The following TSHR variants were observed in gnomAD, a reference collection of about 807,000 sequenced individuals.
TSHR encodes thyroid stimulating hormone receptor.
In TSHR, 51 loss-of-function variants were observed where a neutral mutation model predicts 64.1. The observed-to-expected ratio is 0.80, with a 90% CI of 0.64 to 1.01. The LOEUF (loss-of-function observed/expected upper bound fraction) is 1.01, where lower values mean the gene tolerates loss of function less well. TSHR is among the 50% of genes least tolerant of loss of function. TSHR has a pLI of 0.00. For synonymous variants in TSHR, 361 were observed against 361.9 expected (o/e 1.00, Z 0.03); for missense variants, 877 against 942.8 (o/e 0.93, Z 0.91).
chr14:81,019,041 A>G (rs763911121), intron 1 of TSHR, among the ~76,000 whole-genome samples: 1 of 152,228 alleles, frequency 6.6e-6, no homozygotes, highest in Admixed American at 6.5e-5. Context: ...AGAAAAAGGC[A>G]CATGAACATT....
chr14:80,982,002 G>A, intron 1 of TSHR: 1 of 363,602 alleles, frequency 2.8e-6, no homozygotes, highest in Non-Finnish European at 5.5e-6. Flanking sequence ...CTGGGACTAA[G>A]AATAAGACAA....
chr14:81,074,560 C>T (rs747401837), intron 3 of TSHR, among the ~76,000 whole-genome samples: 6 of 152,110 alleles, frequency 3.9e-5, no homozygotes, highest in African/African-American at 7.2e-5. Flanking sequence ...ATCAACCAAA[C>T]GTTCCTGGGA....
At chr14:81,022,807 C>T (rs965441905) in intron 1 of TSHR, among the ~76,000 whole-genome samples, 34 of 151,626 alleles carry the variant, frequency 2.2e-4, no homozygotes, top group African/African-American at 6.8e-4. Flanking sequence ...GGCGACAAAG[C>T]GAGACTTCAT....
Position 81,144,417 on chromosome 14 carries a change from T to C in TSHR, c.*64T>C. On this transcript the variant is annotated 3_prime_UTR_variant, in exon 10 of 10. Transcript: ENST00000298171. ...AAAATAATAGTTTCTTGAATATGCA[T>C]TCCAATCCCATGACACCCCCAACAC... 2.6e-6 allele frequency: 4 copies of C among 1,542,488 alleles called. No individual in the cohort carries two copies. Among genetic ancestry groups the C allele is most frequent in the Admixed American group, 3.4e-5 (2 of 59,668 alleles).
At position 81,103,687 on chromosome 14, in the gene TSHR, T is replaced by A. The variant is rs1038718829; in HGVS notation, c.615-4688T>A. 1 of 985,366 alleles carries A rather than the reference T, an allele frequency of 1.0e-6. No homozygotes were observed. The highest frequency in any genetic ancestry group is 1.2e-6 in the Non-Finnish European group (1 of 829,946). 61.0% of individuals were successfully genotyped at this position (985,366 alleles called of 1,614,324 possible). ...AATTAATAATAATACAAGCATCCCT[T>A]GCTCAACAGAAGTTGAACTGTACTT... On this transcript the variant is annotated intron_variant, in intron 7 of 9. Coordinates refer to ENST00000298171, the MANE Select transcript of TSHR (RefSeq NM_000369.5). This position sits in a 1 kb window ranked among gnomAD's most constrained non-coding sequence, Gnocchi z 4.1.
chr14:80,971,331 G>A (rs763775431), intron 1 of TSHR, among the ~76,000 whole-genome samples: 18 of 152,170 alleles, frequency 1.2e-4, no homozygotes, highest in East Asian at 7.7e-4. Flanking sequence ...CAGATTATCC[G>A]TCCCCACAAA....
intron 1 of TSHR, among the ~76,000 whole-genome samples, chr14:80,977,818 A>G (rs1046593220): frequency 3.3e-5 from 5 of 152,242 alleles, no homozygotes; most frequent in African/African-American, 1.2e-4. Flanking sequence ...CAATGAATAA[A>G]TCACAGCTTA....
intron 7 of TSHR, among the ~76,000 whole-genome samples, chr14:81,102,363 C>G (rs1354236810): frequency 1.4e-5 from 2 of 145,728 alleles, no homozygotes; most frequent in Non-Finnish European, 2.9e-5. Context: ...TCACTGGTGC[C>G]ATGACTTACT....
intron 2 of TSHR, 145 bp downstream of exon 2, chr14:81,062,364 G>T: frequency 1.0e-5 from 6 of 591,540 alleles, no homozygotes; most frequent in African/African-American, 3.8e-5. Flanking sequence ...TTATGTACAT[G>T]ATTTTTATTT....
chr14:81,083,029 GAA>G (rs10586150), intron 3 of TSHR, among the ~76,000 whole-genome samples: 32,645 of 151,312 alleles, frequency 0.22, 4,712 homozygotes, highest in African/African-American at 0.42. Context: ...TTAGTGGTTG[GAA>G]AAAAAAAAAG....
intron 1 of TSHR, among the ~76,000 whole-genome samples, chr14:80,987,207 C>T (rs1356651988): frequency 1.3e-5 from 2 of 152,192 alleles, no homozygotes; most frequent in Non-Finnish European, 2.9e-5. Flanking sequence ...ACACAGTTTA[C>T]CATTCCTGCA....
intron 8 of TSHR, among the ~76,000 whole-genome samples, chr14:81,116,002 G>A (rs1233924628): frequency 6.6e-6 from 1 of 151,900 alleles, no homozygotes; most frequent in Middle Eastern, 3.2e-3. Flanking sequence ...TCACCACCAG[G>A]CCTGCCCTAA....
chr14:80,984,204 C>T (rs1888322035), intron 1 of TSHR, among the ~76,000 whole-genome samples: 1 of 152,174 alleles, frequency 6.6e-6, no homozygotes, highest in African/African-American at 2.4e-5. Context: ...GTATCAGATA[C>T]TCATTCCACA....
intron 1 of TSHR, among the ~76,000 whole-genome samples, chr14:81,037,783 C>G (rs1007930830): frequency 2.0e-5 from 3 of 151,976 alleles, no homozygotes; most frequent in African/African-American, 7.2e-5. Context: ...CCAATTAAAA[C>G]AATTCTAAAT....
At chr14:81,094,679 A>ATTTTTTTTTTGTTTT (rs1889015288) in intron 6 of TSHR, among the ~76,000 whole-genome samples, 1 of 76,242 alleles carries the variant, frequency 1.3e-5, no homozygotes, top group African/African-American at 6.6e-5. Flanking sequence ...TATTTTTTTA[A>ATTTTTTTTTTGTTTT]TTTTTTTTTT....
At chr14:80,982,337 C>T (rs886887730) in intron 1 of TSHR, 2 of 1,221,232 alleles carry the variant, frequency 1.6e-6, no homozygotes, top group Non-Finnish European at 2.3e-6. Flanking sequence ...GAGGAAGAGG[C>T]CACTATCAAT....
intron 3 of TSHR, among the ~76,000 whole-genome samples, chr14:81,079,550 C>A (rs1887740945): frequency 6.6e-6 from 1 of 152,122 alleles, no homozygotes; most frequent in Non-Finnish European, 1.5e-5. Flanking sequence ...AAAATATCTG[C>A]AATAATTAAA....
intron 1 of TSHR, among the ~76,000 whole-genome samples, chr14:80,989,714 C>T (rs12884433): frequency 0.017 from 2,652 of 152,094 alleles, 30 homozygotes; most frequent in Non-Finnish European, 0.026. Context: ...CACTTCTATT[C>T]GACTAAATTT....
chr14:81,024,578 G>A (rs547205975), intron 1 of TSHR, among the ~76,000 whole-genome samples: 5 of 151,988 alleles, frequency 3.3e-5, no homozygotes, highest in Admixed American at 6.6e-5. Flanking sequence ...ATTCTGCACC[G>A]ACATAAAAGC....
Sources: gnomAD v4.1 joint callset for allele counts (sites outside exome capture counted in the v4.1 genomes callset) on GRCh38, gnomAD v4.1.1 for gene constraint, Gnocchi (gnomAD v3.1) non-coding constraint, MANE v1.5 for transcripts, NCBI Gene and HGNC (gene_info 2026-07-23, HGNC 2026-07-21) for gene names.